The following KCNA6 variants were observed in gnomAD, a reference collection of about 807,000 sequenced individuals.
KCNA6 encodes potassium voltage-gated channel subfamily A member 6, also known as human brain potassium channel-2.
Under a neutral mutation model 29.5 loss-of-function variants are expected in KCNA6, and 17 were observed. That is an observed-to-expected ratio of 0.58 (90% CI 0.39 to 0.86). The LOEUF (loss-of-function observed/expected upper bound fraction) is 0.86, where lower values mean the gene tolerates loss of function less well. Among genes scored for constraint, KCNA6 ranks in the 40% least tolerant of loss-of-function variants. KCNA6 has a pLI of 0.00. For synonymous variants in KCNA6, 296 were observed against 304.7 expected (o/e 0.97, Z 0.30); for missense variants, 450 against 703.4 (o/e 0.64, Z 4.07).
Position 4,810,079 on chromosome 12 carries a change from G to A in KCNA6, c.38G>A (p.Gly13Glu). ...AAATCCCTTACGCTGGCGGCGCCGGGGGAGGTCCGTGGGCCGGAGGGAGAG... is the reference window on the plus strand; with the variant it reads ...AAATCCCTTACGCTGGCGGCGCCGGAGGAGGTCCGTGGGCCGGAGGGAGAG... The change falls in exon 1 of 1, where the codon GGG becomes GAG. Residue 13 changes from glycine (G) to glutamate (E), a missense_variant. Coordinates refer to ENST00000280684, the Ensembl canonical transcript of KCNA6. This position sits in a 1 kb window ranked among gnomAD's most constrained non-coding sequence, Gnocchi z 7.5. 2 of 1,554,326 alleles carry A rather than the reference G, an allele frequency of 1.3e-6. No homozygotes were observed. The highest frequency in any genetic ancestry group is 1.7e-6 in the Non-Finnish European group (2 of 1,152,910).
At chr12:4,847,407 T>A in the KCNA6 span, among the ~76,000 whole-genome samples, 1 of 152,198 alleles carries the variant, frequency 6.6e-6, no homozygotes, top group Non-Finnish European at 1.5e-5. Flanking sequence ...TCTATAACTC[T>A]GGATCCCCTG....
the KCNA6 span, among the ~76,000 whole-genome samples, chr12:4,828,426 G>T: frequency 0.26 from 39,139 of 152,122 alleles, 5,332 homozygotes; most frequent in Middle Eastern, 0.38. Flanking sequence ...CTAATGAACG[G>T]TGCTACAACG....
chr12:4,835,928 G>A, the KCNA6 span, among the ~76,000 whole-genome samples: 3 of 140,264 alleles, frequency 2.1e-5, no homozygotes, highest in Admixed American at 1.5e-4. Context: ...GGAATAAAAA[G>A]TCGCTGTTTT....
the KCNA6 span, among the ~76,000 whole-genome samples, chr12:4,835,537 T>C: frequency 6.6e-6 from 1 of 152,224 alleles, no homozygotes; most frequent in Non-Finnish European, 1.5e-5. Flanking sequence ...TTCTAACCTT[T>C]ACCTTCCCTT....
downstream of KCNA6, chr12:4,813,549 T>A (rs1452472579): frequency 6.0e-6 from 1 of 167,114 alleles, no homozygotes; most frequent in Non-Finnish European, 1.5e-5. Context: ...TCAGCCTTTC[T>A]TCTTACCCTT....
chr12:4,813,317 T>C (rs1436605829), exon 1 of KCNA6: 1 of 166,992 alleles, frequency 6.0e-6, no homozygotes, highest in East Asian at 1.9e-4. Flanking sequence ...ATGGGAACAT[T>C]ACTGTCTTCC....
the KCNA6 span, among the ~76,000 whole-genome samples, chr12:4,827,157 T>TTTCC: frequency 1.9e-5 from 1 of 51,714 alleles, no homozygotes; most frequent in South Asian, 1.2e-3. Context: ...TCCCTCGTTC[T>TTTCC]TTCCTTCCCT....
the KCNA6 span, chr12:4,842,797 C>CCTAA: frequency 6.6e-6 from 1 of 152,160 alleles, no homozygotes; most frequent in South Asian, 2.1e-4. Flanking sequence ...GGGGACATAG[C>CCTAA]CTAACTATAT....
the KCNA6 span, among the ~76,000 whole-genome samples, chr12:4,827,344 C>T: frequency 6.6e-6 from 1 of 151,448 alleles, no homozygotes; most frequent in African/African-American, 2.4e-5. Flanking sequence ...ATTCCAGATC[C>T]TTCTTTATTT....
Position 4,811,527 on chromosome 12 carries a change from C to T in KCNA6, c.1486C>T (p.Leu496Phe). ...GGACCTGAGGGCAACTGACAACGGA[C>T]TTGGCAAGCCTGACTTCCCCGAGGC... The change falls in exon 1 of 1, where the codon CTT becomes TTT. Residue 496 changes from leucine to phenylalanine, a missense_variant. By Grantham distance (22) the Leu-to-Phe change is conservative. This residue lies in a region of KCNA6 where 56 missense variants were observed against 65.2 expected (regional missense o/e 0.86). Transcript: ENST00000280684. This position sits in a 1 kb window ranked among gnomAD's most constrained non-coding sequence, Gnocchi z 7.1. 1 of 1,614,234 alleles carries T rather than the reference C, an allele frequency of 6.2e-7. No individual in the cohort carries two copies. Among genetic ancestry groups the T allele is most frequent in the Non-Finnish European group, 8.5e-7 (1 of 1,180,046 alleles).
chr12:4,833,224 GC>G, the KCNA6 span, among the ~76,000 whole-genome samples: 1 of 152,158 alleles, frequency 6.6e-6, no homozygotes, highest in East Asian at 1.9e-4. Context: ...CCCAATTCAA[GC>G]AGGTCAGCAA....
chr12:4,829,665 G>T, the KCNA6 span, among the ~76,000 whole-genome samples: 1 of 151,518 alleles, frequency 6.6e-6, no homozygotes, highest in African/African-American at 2.4e-5. Context: ...GCCCTAATTT[G>T]AATAACTGAT....
At chr12:4,814,506 C>G (rs1198207836), downstream of KCNA6, 1 of 167,088 alleles carries the variant, frequency 6.0e-6, no homozygotes, top group Non-Finnish European at 1.5e-5. The surrounding 1 kb of genome is among the most constrained non-coding windows in gnomAD (Gnocchi z 4.6). Flanking sequence ...GGCTGTAGCT[C>G]GACCTAGTTT....
chr12:4,819,039 C>T, the KCNA6 span, among the ~76,000 whole-genome samples: 8 of 152,242 alleles, frequency 5.3e-5, no homozygotes, highest in South Asian at 2.1e-4. Context: ...TGTATACACA[C>T]GTATATGCAC....
chr12:4,818,470 G>T, the KCNA6 span, among the ~76,000 whole-genome samples: 1 of 152,144 alleles, frequency 6.6e-6, no homozygotes, highest in African/African-American at 2.4e-5. Context: ...ATCTGATAGG[G>T]TTGTTTTGAG....
At position 4,809,901 on chromosome 12, in the gene KCNA6, G is replaced by A. The variant is rs1019163634; in HGVS notation, c.-141G>A. On this transcript the variant is annotated 5_prime_UTR_variant, in exon 1 of 1. Coordinates refer to ENST00000280684, the Ensembl canonical transcript of KCNA6. ...GGCTTTAGGGCTCACGGACCCAACG[G>A]CCAGGTCAGACCGCGAACCGGGAGG... The A allele has an allele frequency of 3.7e-5, 36 of 979,844 alleles. No individual in the cohort carries two copies. The Admixed American group carries it at 4.4e-4, about 12-fold the overall frequency. The allele number at this position is 979,844 out of a possible 1,614,324, so 60.7% of individuals were successfully genotyped here. A position where few individuals can be genotyped will look rare whatever the true frequency, so the allele number is the denominator to read the frequency against.
the KCNA6 span, among the ~76,000 whole-genome samples, chr12:4,848,260 C>T: frequency 6.6e-6 from 1 of 152,158 alleles, no homozygotes; most frequent in Non-Finnish European, 1.5e-5. Flanking sequence ...TCAACTGACA[C>T]CCTCAACTCC....
At chr12:4,836,105 A>ATTTTT in the KCNA6 span, among the ~76,000 whole-genome samples, 6 of 137,298 alleles carry the variant, frequency 4.4e-5, no homozygotes, top group Non-Finnish European at 6.2e-5. Context: ...ATGCCTGGCT[A>ATTTTT]TTTTTTTTTT....
the KCNA6 span, among the ~76,000 whole-genome samples, chr12:4,825,628 C>T: frequency 2.6e-5 from 4 of 152,198 alleles, no homozygotes; most frequent in Non-Finnish European, 4.4e-5. Flanking sequence ...TAAAGTTCTT[C>T]ACACCCCTCT....
Sources: allele counts gnomAD v4.1 joint callset (sites outside exome capture counted in the v4.1 genomes callset), GRCh38; gene constraint gnomAD v4.1.1; regional missense constraint gnomAD v4.1.1; non-coding constraint Gnocchi (gnomAD v3.1); transcripts MANE v1.5; gene names NCBI Gene and HGNC (gene_info 2026-07-23, HGNC 2026-07-21).